The following SYNPR variants were observed in gnomAD, a reference collection of about 807,000 sequenced individuals.
SYNPR encodes synaptoporin.
In SYNPR, 23 loss-of-function variants were observed where a neutral mutation model predicts 32.9. The ratio of observed to expected loss-of-function variants is 0.70; its 90% confidence interval spans 0.50 to 0.99. The LOEUF (loss-of-function observed/expected upper bound fraction) is 0.99, where lower values mean the gene tolerates loss of function less well. Ranked by LOEUF, SYNPR falls within the 50% of genes least tolerant of loss-of-function variation. The pLI is 0.00. For synonymous variants in SYNPR, 146 were observed against 135.9 expected, an observed-to-expected ratio of 1.07 and a Z score of -0.52; for missense variants, 318 against 349.3, an observed-to-expected ratio of 0.91 and a Z score of 0.71.
intron 2 of SYNPR, among the ~76,000 whole-genome samples, chr3:63,464,516 A>G (rs1020600832): frequency 1.3e-5 from 2 of 152,176 alleles, no homozygotes; most frequent in African/African-American, 4.8e-5. Flanking sequence ...TTTACTAAGA[A>G]TAAGATCCTT....
intron 3 of SYNPR, among the ~76,000 whole-genome samples, chr3:63,481,992 C>G (rs1701057706): frequency 6.6e-6 from 1 of 151,488 alleles, no homozygotes; most frequent in Admixed American, 6.6e-5. Flanking sequence ...ATTTAAAAGT[C>G]AGCAAGTCTC....
intron 1 of SYNPR, among the ~76,000 whole-genome samples, chr3:63,242,575 G>A (rs759606780): frequency 6.6e-6 from 1 of 152,104 alleles, no homozygotes; most frequent in Non-Finnish European, 1.5e-5. Flanking sequence ...CTTCAAATGA[G>A]TGAAACTCAC....
At chr3:63,451,461 C>G (rs1012845184) in intron 2 of SYNPR, among the ~76,000 whole-genome samples, 1 of 152,090 alleles carries the variant, frequency 6.6e-6, no homozygotes, top group Non-Finnish European at 1.5e-5. Context: ...ATAATAAAAC[C>G]AAATGCAATA....
chr3:63,514,680 A>T lies in SYNPR; in HGVS notation c.209+33724A>T, dbSNP rs375044923. Among the ~76,000 whole-genome samples, 9 of 152,304 alleles carry T rather than the reference A, an allele frequency of 5.9e-5. No homozygotes were observed. The East Asian group carries it at 1.7e-3, about 29-fold the overall frequency. The stretch of plus-strand genomic sequence containing the variant: ...ATTTGGAGTAAGTAATAAAGTGAAG[A>T]AACAGACCAATATTAACAAGAATCA... On this transcript the variant is annotated intron_variant, in intron 3 of 5. Transcript: ENST00000478300.
upstream of SYNPR, among the ~76,000 whole-genome samples, chr3:63,275,641 G>A (rs1392139848): frequency 6.6e-6 from 1 of 152,158 alleles, no homozygotes; most frequent in Non-Finnish European, 1.5e-5. Context: ...CCTGTATAAA[G>A]AGATATAAAT....
At chr3:63,545,144 T>C (rs1421289144) in intron 3 of SYNPR, among the ~76,000 whole-genome samples, 3 of 152,010 alleles carry the variant, frequency 2.0e-5, no homozygotes, top group Non-Finnish European at 2.9e-5. Context: ...TGAATATTCG[T>C]TACTATGTCG....
chr3:63,470,487 G>A (rs1700775177), intron 2 of SYNPR, among the ~76,000 whole-genome samples: 1 of 152,154 alleles, frequency 6.6e-6, no homozygotes, highest in Non-Finnish European at 1.5e-5. Context: ...CAATTGATAG[G>A]CAAGAGTTCA....
chr3:63,387,701 G>A (rs575262059), intron 2 of SYNPR, among the ~76,000 whole-genome samples: 13 of 152,276 alleles, frequency 8.5e-5, no homozygotes, highest in African/African-American at 2.2e-4. Context: ...CATCCTTCTA[G>A]GCCAAAAGAA....
chr3:63,505,743 T>C (rs1233178360), intron 3 of SYNPR, among the ~76,000 whole-genome samples: 2 of 152,208 alleles, frequency 1.3e-5, no homozygotes, highest in African/African-American at 4.8e-5. Context: ...CAGGGTTTTA[T>C]TGGTTATCAA....
intron 3 of SYNPR, among the ~76,000 whole-genome samples, chr3:63,523,917 G>T (rs905563833): frequency 6.6e-6 from 1 of 152,098 alleles, no homozygotes; most frequent in Non-Finnish European, 1.5e-5. Flanking sequence ...ACTCACTGAG[G>T]AAGGACCCAG....
chr3:63,405,207 TG>T (rs1234303261), intron 2 of SYNPR, among the ~76,000 whole-genome samples: 2 of 152,160 alleles, frequency 1.3e-5, no homozygotes, highest in Non-Finnish European at 2.9e-5. Flanking sequence ...AATTTCTCTC[TG>T]TAGCTGTCTA....
At chr3:63,518,555 A>G (rs908848698) in intron 3 of SYNPR, among the ~76,000 whole-genome samples, 1 of 152,128 alleles carries the variant, frequency 6.6e-6, no homozygotes, top group Admixed American at 6.6e-5. Flanking sequence ...CCAGCATTAG[A>G]CCTTTACTGC....
At chr3:63,361,024 C>T (rs181161200) in intron 2 of SYNPR, among the ~76,000 whole-genome samples, 20 of 152,256 alleles carry the variant, frequency 1.3e-4, no homozygotes, top group African/African-American at 3.4e-4. Flanking sequence ...CGATAAATAT[C>T]GGAATAAATT....
intron 2 of SYNPR, among the ~76,000 whole-genome samples, chr3:63,260,662 C>T (rs985097824): frequency 4.0e-5 from 6 of 151,492 alleles, no homozygotes; most frequent in Admixed American, 4.0e-4. Context: ...TAGGCATGGG[C>T]AAAGACTTCA....
upstream of SYNPR, among the ~76,000 whole-genome samples, chr3:63,223,551 A>G (rs1018347401): frequency 6.6e-6 from 1 of 152,032 alleles, no homozygotes; most frequent in African/African-American, 2.4e-5. Context: ...GGTTTTAGCT[A>G]AGGTTCTGCC....
At chr3:63,367,297 G>A (rs1476953207) in intron 2 of SYNPR, among the ~76,000 whole-genome samples, 1 of 152,030 alleles carries the variant, frequency 6.6e-6, no homozygotes, top group Non-Finnish European at 1.5e-5. Context: ...CATAAATACA[G>A]TACATTCTGA....
intron 2 of SYNPR, among the ~76,000 whole-genome samples, chr3:63,291,584 T>C (rs768205428): frequency 1.4e-5 from 2 of 144,126 alleles, no homozygotes; most frequent in African/African-American, 2.6e-5. Flanking sequence ...TAAGAACTTT[T>C]GTTGTCAGAT....
At chr3:63,300,058 T>C (rs1486937023) in intron 2 of SYNPR, among the ~76,000 whole-genome samples, 3 of 152,110 alleles carry the variant, frequency 2.0e-5, no homozygotes, top group Non-Finnish European at 4.4e-5. Flanking sequence ...AACTGGGATG[T>C]GTTATTCACT....
intron 2 of SYNPR, among the ~76,000 whole-genome samples, chr3:63,436,453 A>G (rs943927657): frequency 2.0e-5 from 3 of 149,620 alleles, no homozygotes; most frequent in Non-Finnish European, 4.4e-5. Flanking sequence ...TGTCCTTGCG[A>G]TAGTTTGCTA....
Sources: gnomAD v4.1 joint callset for allele counts (sites outside exome capture counted in the v4.1 genomes callset) on GRCh38, gnomAD v4.1.1 for gene constraint, MANE v1.5 for transcripts, NCBI Gene and HGNC (gene_info 2026-07-23, HGNC 2026-07-21) for gene names.